Variants in GPBP1L1 observed in about 807,000 individuals in gnomAD.
GPBP1L1 encodes vasculin-like protein 1.
GPBP1L1 carries 23 observed loss-of-function variants against 52.5 expected under a neutral mutation model. The observed-to-expected ratio is 0.44, with a 90% CI of 0.32 to 0.62. The LOEUF (loss-of-function observed/expected upper bound fraction) is 0.62, where lower values mean the gene tolerates loss of function less well. GPBP1L1 is among the 20% of genes least tolerant of loss of function. GPBP1L1 has a pLI of 0.06. For synonymous variants in GPBP1L1, 243 were observed against 203.1 expected, an observed-to-expected ratio of 1.20 and a Z score of -1.67; for missense variants, 596 against 579.3, an observed-to-expected ratio of 1.03 and a Z score of -0.30.
chr1:45,638,037 T>C (rs998474001), intron 8 of GPBP1L1, among the ~76,000 whole-genome samples: 5 of 152,214 alleles, frequency 3.3e-5, no homozygotes, highest in Admixed American at 6.5e-5. Flanking sequence ...AGCTGTTTCT[T>C]TGTAATAGTT....
At chr1:45,686,902 A>G (rs1645296975), upstream of GPBP1L1, 1 of 152,406 alleles carries the variant, frequency 6.6e-6, no homozygotes, top group South Asian at 2.1e-4. Flanking sequence ...CTGGGCGCGT[A>G]TGAATGAGTG....
At chr1:45,665,059 G>GGGTT (rs1317728204) in intron 2 of GPBP1L1, among the ~76,000 whole-genome samples, 2 of 151,496 alleles carry the variant, frequency 1.3e-5, no homozygotes, top group African/African-American at 4.8e-5. Flanking sequence ...GAGGCCAAGG[G>GGGTT]GGTTGGATCA....
intron 2 of GPBP1L1, among the ~76,000 whole-genome samples, chr1:45,663,360 C>T (rs906685777): frequency 6.6e-6 from 1 of 152,316 alleles, no homozygotes; most frequent in East Asian, 1.9e-4. Context: ...TCAATCACCA[C>T]TAGGTACCTT....
Position 45,659,049 on chromosome 1 carries a change from G to C in GPBP1L1, c.39C>G (p.Phe13Leu), listed in dbSNP as rs1198360852. The change falls in exon 4 of 13, where the codon TTC (phenylalanine) becomes TTG (leucine). Residue 13 changes from phenylalanine (F) to leucine (L), a missense_variant. Coordinates refer to ENST00000355105, the MANE Select transcript of GPBP1L1 (RefSeq NM_021639.5). ...GTACCTTAGCTGACTGTGGTGTTGA[G>C]AAATTTAGCCAAGCAGGAACAAAAT... ...QHDFVPAWLNFSTPQSAKSPT... is the reference protein window; with the variant it reads ...QHDFVPAWLNLSTPQSAKSPT... 2 of 1,613,294 alleles carry C rather than the reference G, an allele frequency of 1.2e-6. No homozygotes were observed. The highest frequency in any genetic ancestry group is 1.7e-6 in the Non-Finnish European group (2 of 1,179,330).
chr1:45,655,284 G>A lies in GPBP1L1; in HGVS notation c.96C>T (p.His32=). ...CAAATCTACCTTCTCCTCTGGGTAG[G>A]TGCTCTCCGTGTTTTTCGAAGGTGG... ...PTATFEKHGE[H]LPRGEGRFGV... Residue 32 remains histidine (H), a synonymous_variant, in exon 5 of 13, where the codon CAC becomes CAT. Transcript: ENST00000355105. 1 of 1,614,058 alleles carries A rather than the reference G, an allele frequency of 6.2e-7. No individual in the cohort carries two copies. Among genetic ancestry groups the A allele is most frequent in the Non-Finnish European group, 8.5e-7 (1 of 1,179,960 alleles).
intron 2 of GPBP1L1, among the ~76,000 whole-genome samples, chr1:45,678,386 A>G (rs920539734): frequency 6.6e-6 from 1 of 152,246 alleles, no homozygotes; most frequent in African/African-American, 2.4e-5. Context: ...AACACCATGC[A>G]AATTAGTTTC....
intron 1 of GPBP1L1, among the ~76,000 whole-genome samples, 158 bp downstream of exon 1, chr1:45,686,254 C>G (rs1329151429): frequency 6.6e-6 from 1 of 152,232 alleles, no homozygotes; most frequent in Non-Finnish European, 1.5e-5. Flanking sequence ...GACCCGTGGG[C>G]TCCGCTCGCC....
rs1468955632 is a variant in GPBP1L1 at position 45,630,610 on chromosome 1, C to A, written c.1045-4G>T. The A allele has an allele frequency of 6.2e-6, 10 of 1,613,572 alleles. No homozygotes were observed. The highest frequency in any genetic ancestry group is 6.8e-6 in the Non-Finnish European group (8 of 1,179,754). ...CAGGTGTGCTGTTGTCCTCCAACTG[C>A]AATAAGGAAAAGGAAGGACACAGTT... On this transcript the variant is annotated splice_polypyrimidine_tract_variant and splice_region_variant and intron_variant, in intron 10 of 12. Coordinates refer to ENST00000355105, the MANE Select transcript of GPBP1L1 (RefSeq NM_021639.5).
At chr1:45,651,837 G>A (rs765617704) in intron 6 of GPBP1L1, 9 of 246,238 alleles carry the variant, frequency 3.7e-5, no homozygotes, top group Admixed American at 1.1e-4. Context: ...CTTGGGTGGC[G>A]GGAGGAGAAG....
intron 6 of GPBP1L1, among the ~76,000 whole-genome samples, chr1:45,643,048 C>T (rs761418663): frequency 6.6e-6 from 1 of 151,658 alleles, no homozygotes; most frequent in Non-Finnish European, 1.5e-5. Context: ...GTTACAAGGA[C>T]GATGAAAAAA....
At chr1:45,634,457 C>T (rs1644569510) in intron 8 of GPBP1L1, 3 of 407,272 alleles carry the variant, frequency 7.4e-6, no homozygotes, top group Non-Finnish European at 1.3e-5. Flanking sequence ...TTAATAGTGA[C>T]TTCCCAAAAA....
intron 6 of GPBP1L1, chr1:45,651,570 A>G: frequency 1.6e-6 from 1 of 619,492 alleles, no homozygotes; most frequent in Non-Finnish European, 2.9e-6. Flanking sequence ...TGGCAGCGCA[A>G]GGCCTGGATG....
At chr1:45,642,139 C>T (rs1233748223) in intron 7 of GPBP1L1, among the ~76,000 whole-genome samples, 1 of 152,164 alleles carries the variant, frequency 6.6e-6, no homozygotes, top group African/African-American at 2.4e-5. Flanking sequence ...CTGTCTCAAA[C>T]AAACAGACTA....
At chr1:45,635,545 AATTTT>A (rs1257422591) in intron 8 of GPBP1L1, 1 of 152,182 alleles carries the variant, frequency 6.6e-6, no homozygotes, top group Non-Finnish European at 1.5e-5. Flanking sequence ...TGTCTGTGCC[AATTTT>A]ATTTCAACTT....
chr1:45,676,184 G>T (rs936151100), intron 2 of GPBP1L1, among the ~76,000 whole-genome samples: 1 of 152,114 alleles, frequency 6.6e-6, no homozygotes, highest in African/African-American at 2.4e-5. Flanking sequence ...ATCTCCAGAA[G>T]AGAAAAATTC....
At chr1:45,647,165 G>GTTTTT (rs527602907) in intron 6 of GPBP1L1, among the ~76,000 whole-genome samples, 1 of 107,728 alleles carries the variant, frequency 9.3e-6, no homozygotes, top group South Asian at 3.3e-4. Flanking sequence ...AACTTCTTAG[G>GTTTTT]ATTTTTTTTT....
intron 2 of GPBP1L1, among the ~76,000 whole-genome samples, chr1:45,683,507 AAT>A (rs1243547699): frequency 6.8e-6 from 1 of 148,042 alleles, no homozygotes; most frequent in African/African-American, 2.5e-5. Flanking sequence ...GCCCGGCCTG[AAT>A]ATAGACTGTT....
In GPBP1L1 at chr1:45,663,708, G is replaced by A. The variant is rs115694619; in HGVS notation, c.-1097-2483C>T. On this transcript the variant is annotated intron_variant, in intron 2 of 12. Coordinates refer to ENST00000355105, the MANE Select transcript of GPBP1L1 (RefSeq NM_021639.5). ...CTGTTCTGGAAGTAAAAGACTAAAA[G>A]GAAAAATCCCAAAATGTTAATAATG... 6.8e-3 allele frequency among the ~76,000 whole-genome samples: 1,039 copies of A among 152,232 alleles called. 12 individuals are homozygous for A. Among genetic ancestry groups the A allele is most frequent in the African/African-American group, 0.024 (1,000 of 41,542 alleles).
intron 6 of GPBP1L1, chr1:45,651,487 A>G: frequency 2.1e-6 from 1 of 469,724 alleles, no homozygotes. Context: ...CTGGGCCAAT[A>G]GCCTCTGCTT....
Sources: allele counts gnomAD v4.1 joint callset (sites outside exome capture counted in the v4.1 genomes callset), GRCh38; gene constraint gnomAD v4.1.1; transcripts MANE v1.5; gene names NCBI Gene and HGNC (gene_info 2026-07-23, HGNC 2026-07-21).